Variants in DHX57 observed in about 807,000 individuals in gnomAD.
DHX57 encodes the protein DExH-box helicase 57.
Under a neutral mutation model 156.2 loss-of-function variants are expected in DHX57, and 105 were observed. The observed-to-expected ratio is 0.67, with a 90% CI of 0.57 to 0.79. The LOEUF is 0.79. DHX57 is among the 30% of genes least tolerant of loss of function. The pLI, the probability that DHX57 is intolerant of heterozygous loss-of-function variation, is 0.00. For synonymous variants in DHX57, 704 were observed against 595.6 expected (o/e 1.18, Z -2.65); for missense variants, 1,847 against 1,661.9 (o/e 1.11, Z -1.94).
At chr2:38,833,449 T>C (rs1424288715) in intron 13 of DHX57, among the ~76,000 whole-genome samples, 1 of 151,910 alleles carries the variant, frequency 6.6e-6, no homozygotes, top group African/African-American at 2.4e-5. Flanking sequence ...GGCCTATTTT[T>C]AGATATTAGG....
At chr2:38,809,618 T>A (rs546731546) in intron 21 of DHX57, among the ~76,000 whole-genome samples, 1 of 150,490 alleles carries the variant, frequency 6.6e-6, no homozygotes, top group African/African-American at 2.4e-5. Context: ...CCCGCCACCA[T>A]GCCTGGCTAA....
chr2:38,806,287 C>T, intron 22 of DHX57: 1 of 368,136 alleles, frequency 2.7e-6, no homozygotes, highest in Middle Eastern at 7.5e-4. Context: ...ATGTAATTAG[C>T]TCATGACTTC....
chr2:38,857,331 T>C (rs1374725979), intron 6 of DHX57, among the ~76,000 whole-genome samples: 1 of 152,218 alleles, frequency 6.6e-6, no homozygotes, highest in Non-Finnish European at 1.5e-5. Flanking sequence ...TCACTACAAC[T>C]ATATAAATCA....
chr2:38,827,353 A>G (rs948561985), intron 14 of DHX57, among the ~76,000 whole-genome samples: 2 of 150,092 alleles, frequency 1.3e-5, no homozygotes, highest in African/African-American at 4.9e-5. Context: ...TTTAAATACA[A>G]GATGAGCCTG....
intron 22 of DHX57, chr2:38,806,297 C>G (rs1669932353): frequency 2.5e-6 from 1 of 398,062 alleles, no homozygotes; most frequent in African/African-American, 2.1e-5. Context: ...CTCATGACTT[C>G]AATTACCATT....
At chr2:38,858,909 C>T in intron 5 of DHX57, 73 bp from the exon 6 acceptor site, 2 of 1,461,264 alleles carry the variant, frequency 1.4e-6, no homozygotes, top group Non-Finnish European at 1.8e-6. Flanking sequence ...CGCTGTCTAA[C>T]AGAGTATCAA....
chr2:38,863,416 T>G lies in DHX57; in HGVS notation c.328A>C (p.Lys110Gln). The G allele has an allele frequency of 6.2e-7, 1 of 1,614,052 alleles. No individual in the cohort carries two copies. The highest frequency in any genetic ancestry group is 8.5e-7 in the Non-Finnish European group (1 of 1,180,012). The stretch of plus-strand genomic sequence containing the variant: ...AGGTCTCGGAGAAGAGCTTTCACTT[T>G]CTCTTGATTCTCAGAAGTCATATGT... Reference protein sequence around the residue: ...TLHMTSENQEKVKALLRDLQE... With the variant: ...TLHMTSENQEQVKALLRDLQE... Residue 110 changes from lysine to glutamine, a missense_variant, in exon 3 of 24, where the codon AAA becomes CAA. Coordinates refer to ENST00000457308, the MANE Select transcript of DHX57 (RefSeq NM_198963.3).
chr2:38,869,238 G>C (rs1340370888), intron 1 of DHX57, among the ~76,000 whole-genome samples: 1 of 152,230 alleles, frequency 6.6e-6, no homozygotes, highest in African/African-American at 2.4e-5. Flanking sequence ...AAGGGAAGTA[G>C]GCCGTAAGAC....
At chr2:38,820,024 G>C (rs971147705) in intron 17 of DHX57, among the ~76,000 whole-genome samples, 1 of 152,140 alleles carries the variant, frequency 6.6e-6, no homozygotes, top group African/African-American at 2.4e-5. Context: ...AAAGGTATCA[G>C]CATGAGCTGC....
chr2:38,805,898 T>TG (rs1669912922), intron 22 of DHX57, among the ~76,000 whole-genome samples: 1 of 152,148 alleles, frequency 6.6e-6, no homozygotes, highest in East Asian at 1.9e-4. Flanking sequence ...GTTGTGCCTT[T>TG]GGTGGTTCAG....
At chr2:38,815,804 G>C (rs1047887808) in intron 19 of DHX57, 149 bp from the exon 20 acceptor site, 1 of 963,398 alleles carries the variant, frequency 1.0e-6, no homozygotes, top group Non-Finnish European at 1.5e-6. Context: ...AGAGGATCTT[G>C]TCTGGTCATT....
At chr2:38,811,742 A>G (rs1363587389) in intron 21 of DHX57, 1 of 556,514 alleles carries the variant, frequency 1.8e-6, no homozygotes, top group Non-Finnish European at 3.3e-6. Context: ...GAGCAAAGGC[A>G]GGCAACAGAG....
chr2:38,862,739 C>T (rs1267285805), intron 3 of DHX57: 2 of 156,836 alleles, frequency 1.3e-5, no homozygotes, highest in African/African-American at 4.8e-5. Flanking sequence ...CTTGGCTATT[C>T]TCTCTCTTCT....
chr2:38,833,747 G>T (rs963896271), intron 13 of DHX57, among the ~76,000 whole-genome samples: 1 of 151,964 alleles, frequency 6.6e-6, no homozygotes, highest in Non-Finnish European at 1.5e-5. Flanking sequence ...CTACTCATTG[G>T]CAATTTTCTT....
rs904110004 is a variant in DHX57, at chr2:38,843,005, C to A, written c.2425G>T (p.Gly809Trp). Residue 809 changes from glycine to tryptophan, a missense_variant and splice_region_variant, in exon 12 of 24, where the codon GGG becomes TGG. By Grantham distance (184) the Gly-to-Trp change is radical. Transcript: ENST00000457308. ...DFKQLLARYK[G>W]VSKSVIKTMS... ...AATATTCCCCCAAGAGGCATGTTAC[C>A]TTTATAGCGGGCCAGGAGCTGCTTA... 3.1e-6 allele frequency: 5 copies of A among 1,613,792 alleles called. No individual in the cohort carries two copies. In the African/African-American group the frequency reaches 5.3e-5, roughly 17 times the overall value.
chr2:38,870,122 C>T (rs1464327456), intron 1 of DHX57, among the ~76,000 whole-genome samples: 1 of 152,032 alleles, frequency 6.6e-6, no homozygotes, highest in Non-Finnish European at 1.5e-5. Flanking sequence ...AGAGAAAGAA[C>T]TGATGAACTT....
chr2:38,868,640 A>G (rs1665202724), intron 1 of DHX57, among the ~76,000 whole-genome samples: 1 of 152,304 alleles, frequency 6.6e-6, no homozygotes, highest in East Asian at 1.9e-4. Flanking sequence ...AATCTTCACA[A>G]AAGATTTATA....
At chr2:38,822,928 A>T in intron 17 of DHX57, 65 bp downstream of exon 17, 1 of 1,528,430 alleles carries the variant, frequency 6.5e-7, no homozygotes, top group Non-Finnish European at 8.8e-7. Context: ...GATTTCCCCC[A>T]TGGTCCCCTT....
intron 22 of DHX57, among the ~76,000 whole-genome samples, chr2:38,804,492 T>C (rs1469446454): frequency 6.6e-6 from 1 of 151,924 alleles, no homozygotes; most frequent in Non-Finnish European, 1.5e-5. Context: ...TCTGTCTCAA[T>C]AAATAAATAA....
Sources: allele counts gnomAD v4.1 joint callset (sites outside exome capture counted in the v4.1 genomes callset), GRCh38; gene constraint gnomAD v4.1.1; transcripts MANE v1.5; gene names NCBI Gene and HGNC (gene_info 2026-07-23, HGNC 2026-07-21).